The following SH2B3 variants were observed in gnomAD, a reference collection of about 807,000 sequenced individuals.
SH2B3 encodes the protein SH2B adapter protein 3.
Under a neutral mutation model 51.9 loss-of-function variants are expected in SH2B3, and 43 were observed. The ratio of observed to expected loss-of-function variants is 0.83; its 90% confidence interval spans 0.65 to 1.07. The LOEUF (loss-of-function observed/expected upper bound fraction) is 1.07. SH2B3 is among the 50% of genes least tolerant of loss of function. SH2B3 has a pLI of 0.00. For synonymous variants in SH2B3, 396 were observed against 376.0 expected (o/e 1.05, Z -0.62); for missense variants, 952 against 834.3 (o/e 1.14, Z -1.74).
intron 2 of SH2B3, among the ~76,000 whole-genome samples, chr12:111,430,759 G>A (rs952402582): frequency 3.3e-5 from 5 of 152,172 alleles, no homozygotes; most frequent in African/African-American, 1.2e-4. Context: ...TGCCTTAGTG[G>A]GTTGTTTTGA....
At chr12:111,411,203 C>CA (rs397958520) in intron 1 of SH2B3, among the ~76,000 whole-genome samples, 19,006 of 99,394 alleles carry the variant, frequency 0.19, 3,427 homozygotes, top group East Asian at 0.58. Context: ...CTGTCTCTAC[C>CA]AAAAAAAAAA....
Position 111,435,080 on chromosome 12 carries a change from T to A in SH2B3, c.733-11673T>A, listed in dbSNP as rs764181820. The stretch of plus-strand genomic sequence containing the variant: ...CTTTGGGGATCTTGGTGGTGATGAG[T>A]CCCCTCTCCTCTGGTGCACTCTCCC... On this transcript the variant is annotated intron_variant, in intron 2 of 7. Coordinates refer to ENST00000341259, the MANE Select transcript of SH2B3 (RefSeq NM_005475.3). This position sits in a 1 kb window ranked among gnomAD's most constrained non-coding sequence, Gnocchi z 4.8. The A allele has an allele frequency of 7.1e-7, 1 of 1,401,170 alleles. No homozygotes were observed. Among genetic ancestry groups the A allele is most frequent in the Non-Finnish European group, 9.7e-7 (1 of 1,028,314 alleles). The allele number at this position is 1,401,170 out of a possible 1,614,324, so 86.8% of individuals were successfully genotyped here.
chr12:111,434,932 A>AG, intron 2 of SH2B3: 2 of 1,535,464 alleles, frequency 1.3e-6, no homozygotes, highest in Non-Finnish European at 1.7e-6. Flanking sequence ...CCGTGGCTGG[A>AG]GGAGGACCTG....
At position 111,438,097 on chromosome 12, in the gene SH2B3, AGAG is replaced by A. The variant is rs1156555653; in HGVS notation, c.733-8651_733-8649del. On this transcript the variant is annotated intron_variant, in intron 2 of 7. Coordinates refer to ENST00000341259, the MANE Select transcript of SH2B3 (RefSeq NM_005475.3). This position sits in a 1 kb window ranked among gnomAD's most constrained non-coding sequence, Gnocchi z 4.2. ...GTGGTCAGAGAAGGCTCCCTGGAGG[AGAG>A]GAGGTTTTCTCTGCTGGGACATGCA... Among the ~76,000 whole-genome samples the A allele has an allele frequency of 2.0e-5, 3 of 152,072 alleles. No individual in the cohort carries two copies. The highest frequency in any genetic ancestry group is 1.9e-4 in the East Asian group (1 of 5,194).
chr12:111,447,340 TG>T lies in SH2B3; in HGVS notation c.1038del (p.Leu347CysfsTer26), dbSNP rs892433462. 1 of 1,613,814 alleles carries T rather than the reference TG, an allele frequency of 6.2e-7. No homozygotes were observed. Among genetic ancestry groups the T allele is most frequent in the South Asian group, 1.1e-5 (1 of 91,068 alleles). Reference protein sequence around the residue: ...TDSLNQGASPGGLLDPACQKT... With the variant: ...TDSLNQGASPXGLLDPACQKT... ...CATCTTATCTAACAGGTGCTTCTCC[TG>T]GGGGGCTGCTGGACCCGGCCTGCCA... On this transcript the variant is annotated frameshift_variant, in exon 6 of 8. Coordinates refer to ENST00000341259, the MANE Select transcript of SH2B3 (RefSeq NM_005475.3). LOFTEE classifies it high-confidence loss of function.
At chr12:111,405,150 G>C (rs1450904275), upstream of SH2B3, among the ~76,000 whole-genome samples, 1 of 152,130 alleles carries the variant, frequency 6.6e-6, no homozygotes, top group African/African-American at 2.4e-5. The surrounding 1 kb of genome is among the most constrained non-coding windows in gnomAD (Gnocchi z 5.4). Context: ...GCGGGCAGGG[G>C]GGTGGGCGCA....
rs1018561017 is a variant in SH2B3, at chr12:111,449,238, G to A, written c.*936G>A. On this transcript the variant is annotated 3_prime_UTR_variant, in exon 8 of 8. Transcript: ENST00000341259. ...TACAGTGATAGTTAAATTAACTGGG[G>A]CTAGGGGAAGAGCAAGCAAAAAGGG... 6.6e-6 allele frequency: 1 copy of A among 152,532 alleles called. No homozygotes were observed. Among genetic ancestry groups the A allele is most frequent in the African/African-American group, 2.4e-5 (1 of 41,458 alleles). 9.4% of individuals were successfully genotyped at this position (152,532 alleles called of 1,614,324 possible).
intron 2 of SH2B3, among the ~76,000 whole-genome samples, chr12:111,427,837 T>C (rs903039268): frequency 2.0e-5 from 3 of 152,284 alleles, no homozygotes; most frequent in Admixed American, 6.5e-5. Context: ...GCAGGCACTT[T>C]ACTGACCTGG....
intron 2 of SH2B3, among the ~76,000 whole-genome samples, chr12:111,434,239 T>C (rs1872684304): frequency 6.6e-6 from 1 of 152,218 alleles, no homozygotes; most frequent in Non-Finnish European, 1.5e-5. Flanking sequence ...TAAACAATTG[T>C]GCAATGATCA....
intron 1 of SH2B3, among the ~76,000 whole-genome samples, chr12:111,417,134 C>CT (rs895876871): frequency 6.6e-6 from 1 of 152,216 alleles, no homozygotes; most frequent in African/African-American, 2.4e-5. Flanking sequence ...CTTCCTCACT[C>CT]TTTCCCCCTG....
At position 111,418,215 on chromosome 12, in the gene SH2B3, C is replaced by T. The variant is rs984848263; in HGVS notation, c.70C>T (p.Arg24Trp). Reference sequence around the variant, plus strand: ...CTCAGCCTCCCCGGCGGCGGCCCCGCGGGGCTGGAGCGAGTTCTGTGAGTT... The same window carrying T: ...CTCAGCCTCCCCGGCGGCGGCCCCGTGGGGCTGGAGCGAGTTCTGTGAGTT... Reference protein sequence around the residue: ...APSASPAAAPRGWSEFCELHA... With the variant: ...APSASPAAAPWGWSEFCELHA... Residue 24 changes from arginine (R) to tryptophan (W), a missense_variant, in exon 2 of 8, where the codon CGG (arginine) becomes TGG (tryptophan). By Grantham distance (101) the Arg-to-Trp change is moderately radical (BLOSUM62 -3). Coordinates refer to ENST00000341259, the MANE Select transcript of SH2B3 (RefSeq NM_005475.3). The surrounding 1 kb of genome is among the most constrained non-coding windows in gnomAD (Gnocchi z 6.7). The T allele has an allele frequency of 1.3e-6, 2 of 1,580,062 alleles. No homozygotes were observed. The highest frequency in any genetic ancestry group is 1.7e-6 in the Non-Finnish European group (2 of 1,172,888).
At chr12:111,431,567 T>C (rs1202509342) in intron 2 of SH2B3, among the ~76,000 whole-genome samples, 1 of 151,822 alleles carries the variant, frequency 6.6e-6, no homozygotes, top group Non-Finnish European at 1.5e-5. Context: ...TTTTGGTAGA[T>C]GTCATTATTG....
intron 2 of SH2B3, among the ~76,000 whole-genome samples, chr12:111,426,017 A>G (rs1871967262): frequency 6.6e-6 from 1 of 152,208 alleles, no homozygotes; most frequent in Non-Finnish European, 1.5e-5. Context: ...GACCCCAGGA[A>G]ATGGTCTGTC....
At chr12:111,426,831 C>T (rs1428935803) in intron 2 of SH2B3, among the ~76,000 whole-genome samples, 1 of 152,112 alleles carries the variant, frequency 6.6e-6, no homozygotes, top group African/African-American at 2.4e-5. Context: ...AGCAAAGAGA[C>T]TTGCCTGGGA....
At position 111,435,499 on chromosome 12, in the gene SH2B3, T is replaced by A. The variant is rs1271553351; in HGVS notation, c.733-11254T>A. Among the ~76,000 whole-genome samples, 1 of 152,224 alleles carries A rather than the reference T, an allele frequency of 6.6e-6. No individual in the cohort carries two copies. The highest frequency in any genetic ancestry group is 2.4e-5 in the African/African-American group (1 of 41,466). On this transcript the variant is annotated intron_variant, in intron 2 of 7. Coordinates refer to ENST00000341259, the MANE Select transcript of SH2B3 (RefSeq NM_005475.3). The surrounding 1 kb of genome is among the most constrained non-coding windows in gnomAD (Gnocchi z 4.8). ...CCTCAGCCTCCTGAGTAGCTGGGACTACACATGCACCACCACGCCTGGCTA... is the reference window on the plus strand; with the variant it reads ...CCTCAGCCTCCTGAGTAGCTGGGACAACACATGCACCACCACGCCTGGCTA...
chr12:111,420,089 G>T (rs1871412678), intron 2 of SH2B3, among the ~76,000 whole-genome samples: 1 of 152,148 alleles, frequency 6.6e-6, no homozygotes, highest in South Asian at 2.1e-4. Context: ...TTGACAGATT[G>T]GTGTTTTATT....
At chr12:111,425,651 T>C (rs558682835) in intron 2 of SH2B3, among the ~76,000 whole-genome samples, 134 of 152,172 alleles carry the variant, frequency 8.8e-4, no homozygotes, top group African/African-American at 3.2e-3. Context: ...GTGGGAACAA[T>C]TGGAGGATTT....
intron 2 of SH2B3, among the ~76,000 whole-genome samples, chr12:111,427,646 G>T (rs1872123992): frequency 1.3e-5 from 2 of 152,228 alleles, no homozygotes. Context: ...AGCCTGCCGG[G>T]CCTCAGTTTC....
At chr12:111,424,932 A>C (rs12306935) in intron 2 of SH2B3, among the ~76,000 whole-genome samples, 15,558 of 152,222 alleles carry the variant, frequency 0.1, 2,664 homozygotes, top group African/African-American at 0.35. Context: ...TCTGTCACTT[A>C]AAGGGTGCCC....
Sources: gnomAD v4.1 joint callset for allele counts (sites outside exome capture counted in the v4.1 genomes callset) on GRCh38, gnomAD v4.1.1 for gene constraint, Gnocchi (gnomAD v3.1) non-coding constraint, MANE v1.5 for transcripts, NCBI Gene and HGNC (gene_info 2026-07-23, HGNC 2026-07-21) for gene names.